TMEM130: variants seen among roughly 807,000 people sequenced by gnomAD.
TMEM130 encodes transmembrane protein 130.
In TMEM130, 37 loss-of-function variants were observed where a neutral mutation model predicts 42.9. The observed-to-expected ratio is 0.86, with a 90% CI of 0.66 to 1.13. The LOEUF is 1.13. Ranked by LOEUF, TMEM130 falls within the 50% of genes most tolerant of loss-of-function variation. TMEM130 has a pLI of 0.00. For synonymous variants in TMEM130, 259 were observed against 237.7 expected, an observed-to-expected ratio of 1.09 and a Z score of -0.82; for missense variants, 545 against 562.6, an observed-to-expected ratio of 0.97 and a Z score of 0.32.
intron 1 of TMEM130, among the ~76,000 whole-genome samples, chr7:98,867,646 G>C (rs941677362): frequency 2.0e-5 from 3 of 152,166 alleles, no homozygotes; most frequent in Admixed American, 6.5e-5. Context: ...GGACTGGGAG[G>C]GGGGATGGGG....
At chr7:98,860,068 CAAAAA>C in intron 3 of TMEM130, 106 bp downstream of exon 3, 3 of 828,364 alleles carry the variant, frequency 3.6e-6, no homozygotes, top group South Asian at 4.5e-5. Flanking sequence ...GACTGCATCT[CAAAAA>C]AAAAAAAAAA....
In TMEM130 at chr7:98,869,477, C is replaced by A; in HGVS notation, c.85+300G>T. On this transcript the variant is annotated intron_variant, in intron 1 of 7. Coordinates refer to ENST00000339375, the MANE Select transcript of TMEM130 (RefSeq NM_152913.3). This position sits in a 1 kb window ranked among gnomAD's most constrained non-coding sequence, Gnocchi z 4.7. ...CCTTAGCGGGTGCATGGTCCCCAGGCATCGACGGATGCGCCGGCCACCCCC... is the reference window on the plus strand; with the variant it reads ...CCTTAGCGGGTGCATGGTCCCCAGGAATCGACGGATGCGCCGGCCACCCCC... The A allele has an allele frequency of 3.6e-6, 3 of 840,080 alleles. No individual in the cohort carries two copies. Among genetic ancestry groups the A allele is most frequent in the South Asian group, 5.4e-5 (1 of 18,374 alleles). The allele number at this position is 840,080 out of a possible 1,614,324, so 52.0% of individuals were successfully genotyped here. A position where few individuals can be genotyped will look rare whatever the true frequency, so the allele number is the denominator to read the frequency against.
In TMEM130 at chr7:98,863,166, A is replaced by C; in HGVS notation, c.320T>G (p.Val107Gly). The C allele has an allele frequency of 1.2e-6, 2 of 1,614,054 alleles. No individual in the cohort carries two copies. The highest frequency in any genetic ancestry group is 2.2e-5 in the South Asian group (2 of 91,072). Residue 107 changes from valine (V) to glycine (G), a missense_variant, in exon 2 of 8, where the codon GTC (valine) becomes GGC (glycine). Val to Gly is a moderately radical substitution (Grantham distance 109). Transcript: ENST00000339375. ...GHVPGEFPVS[V>G]WVTAADCWMC... Reference sequence around the variant, plus strand: ...CCAGCAGTCAGCGGCAGTGACCCAGACAGAGACCGGGAATTCCCCGGGCAC... The same window carrying C: ...CCAGCAGTCAGCGGCAGTGACCCAGCCAGAGACCGGGAATTCCCCGGGCAC...
chr7:98,856,985 A>G (rs372113226), intron 3 of TMEM130, among the ~76,000 whole-genome samples: 10 of 151,294 alleles, frequency 6.6e-5, no homozygotes, highest in African/African-American at 2.2e-4. Flanking sequence ...CTGTGGTGCA[A>G]TCATAGCTCA....
At chr7:98,860,885 G>A (rs1794756662) in intron 2 of TMEM130, among the ~76,000 whole-genome samples, 1 of 147,480 alleles carries the variant, frequency 6.8e-6, no homozygotes, top group Non-Finnish European at 1.5e-5. Flanking sequence ...GGAGGTTGCA[G>A]TGAGCCAAGA....
chr7:98,852,356 C>G (rs1171915839), intron 5 of TMEM130, among the ~76,000 whole-genome samples: 2 of 152,084 alleles, frequency 1.3e-5, no homozygotes, highest in Non-Finnish European at 2.9e-5. Flanking sequence ...TCTCAAACTC[C>G]TGACCTCAGG....
At chr7:98,857,915 C>T (rs1218563370) in intron 3 of TMEM130, among the ~76,000 whole-genome samples, 1 of 151,482 alleles carries the variant, frequency 6.6e-6, no homozygotes, top group Non-Finnish European at 1.5e-5. Flanking sequence ...GTTTGTTTTG[C>T]ATTTTTAGTA....
chr7:98,855,670 G>A (rs931600982), intron 4 of TMEM130, among the ~76,000 whole-genome samples: 10 of 152,208 alleles, frequency 6.6e-5, no homozygotes, highest in Non-Finnish European at 2.9e-5. Context: ...GCCAGGGAGA[G>A]ATAGAGACCC....
chr7:98,869,976 C>G lies in TMEM130; in HGVS notation c.-115G>C. The G allele has an allele frequency of 4.5e-6, 3 of 662,916 alleles. No homozygotes were observed. The highest frequency in any genetic ancestry group is 6.4e-6 in the Non-Finnish European group (3 of 472,240). The allele number at this position is 662,916 out of a possible 1,614,324, so 41.1% of individuals were successfully genotyped here. A position where few individuals can be genotyped will look rare whatever the true frequency, so the allele number is the denominator to read the frequency against. On this transcript the variant is annotated 5_prime_UTR_variant, in exon 1 of 8. Coordinates refer to ENST00000339375, the MANE Select transcript of TMEM130 (RefSeq NM_152913.3). This position sits in a 1 kb window ranked among gnomAD's most constrained non-coding sequence, Gnocchi z 4.7. Reference sequence around the variant, plus strand: ...GCAGCGCGGGCGGTGCGGGGAGGTGCGGGCGCCGTGCTCGCTCGTCCTCGC... The same window carrying G: ...GCAGCGCGGGCGGTGCGGGGAGGTGGGGGCGCCGTGCTCGCTCGTCCTCGC...
In TMEM130 at chr7:98,861,206, C is replaced by T. The variant is rs372117241; in HGVS notation, c.392-868G>A. ...AAACAAAATTAGCCAGGCATGGTAGCGGGCACCTGTAGTCCCAGCTACTTG... is the reference window on the plus strand; with the variant it reads ...AAACAAAATTAGCCAGGCATGGTAGTGGGCACCTGTAGTCCCAGCTACTTG... On this transcript the variant is annotated intron_variant, in intron 2 of 7. Coordinates refer to ENST00000339375, the MANE Select transcript of TMEM130 (RefSeq NM_152913.3). Among the ~76,000 whole-genome samples, 308 of 151,806 alleles carry T rather than the reference C, an allele frequency of 2.0e-3. 1 individual carries two copies. Among genetic ancestry groups the T allele is most frequent in the Middle Eastern group, 6.8e-3 (2 of 292 alleles).
Position 98,856,123 on chromosome 7 carries a change from G to A in TMEM130, c.612C>T (p.Phe204=). 1 of 1,614,066 alleles carries A rather than the reference G, an allele frequency of 6.2e-7. No homozygotes were observed. Among genetic ancestry groups the A allele is most frequent in the Middle Eastern group, 1.6e-4 (1 of 6,062 alleles). The part of the protein sequence containing the change: ...VYYNYSIIGT[F]TVKLKVVAEW... Reference sequence around the variant, plus strand: ...CCGCCACCACTTTGAGCTTCACGGTGAAGGTCCCGATGATGGAATAGTTAT... The same window carrying A: ...CCGCCACCACTTTGAGCTTCACGGTAAAGGTCCCGATGATGGAATAGTTAT... The change falls in exon 4 of 8, where the codon TTC becomes TTT. Residue 204 remains phenylalanine, a synonymous_variant. Coordinates refer to ENST00000339375, the MANE Select transcript of TMEM130 (RefSeq NM_152913.3).
At chr7:98,850,269 A>ATTTTTTTTTTTTTTTT (rs1244635646) in intron 6 of TMEM130, among the ~76,000 whole-genome samples, 9 of 30,156 alleles carry the variant, frequency 3.0e-4, no homozygotes, top group South Asian at 1.0e-3. Context: ...ATATATATAT[A>ATTTTTTTTTTTTTTTT]TATATTTTTT....
In TMEM130 at chr7:98,848,120, A is replaced by G. The variant is rs1489512548; in HGVS notation, c.1208T>C (p.Ile403Thr). ...GAGCAGCCCGTGGTTCTCACGAACA[A>G]TTTCCAGGTACTCAGATGGAGTCTC... ...LLETPSEYLE[I>T]VRENHGLLPP... The change falls in exon 8 of 8, where the codon ATT becomes ACT. Residue 403 changes from isoleucine (I) to threonine (T), a missense_variant. Transcript: ENST00000339375. 2 of 1,614,026 alleles carry G rather than the reference A, an allele frequency of 1.2e-6. No homozygotes were observed. The highest frequency in any genetic ancestry group is 1.7e-6 in the Non-Finnish European group (2 of 1,180,028).
In TMEM130 at chr7:98,856,110, T is replaced by C. The variant is rs1794626979; in HGVS notation, c.625A>G (p.Lys209Glu). The change falls in exon 4 of 8, where the codon AAA becomes GAA. Residue 209 changes from lysine to glutamate, a missense_variant. Lys to Glu is a moderately conservative substitution (Grantham distance 56, BLOSUM62 1). Transcript: ENST00000339375. ...ACCTCTTCCCACTCCGCCACCACTT[T>C]GAGCTTCACGGTGAAGGTCCCGATG... ...SIIGTFTVKL[K>E]VVAEWEEVEP... is the part of the protein sequence containing the mutation. 1 of 1,613,832 alleles carries C rather than the reference T, an allele frequency of 6.2e-7. No homozygotes were observed. Among genetic ancestry groups the C allele is most frequent in the South Asian group, 1.1e-5 (1 of 91,074 alleles).
chr7:98,862,561 C>T (rs901265807), intron 2 of TMEM130, among the ~76,000 whole-genome samples: 4 of 138,404 alleles, frequency 2.9e-5, no homozygotes, highest in South Asian at 2.3e-4. Flanking sequence ...TGCAGTGGCA[C>T]GTTCTCGGCT....
At chr7:98,867,592 G>A (rs566036640) in intron 1 of TMEM130, among the ~76,000 whole-genome samples, 16 of 152,246 alleles carry the variant, frequency 1.1e-4, no homozygotes, top group South Asian at 4.2e-4. Flanking sequence ...ATGTTATCAC[G>A]CAGATCGGTT....
rs111428322 is a variant in TMEM130, at chr7:98,860,972, G to A, written c.392-634C>T. 9.3e-3 allele frequency among the ~76,000 whole-genome samples: 1,283 copies of A among 137,908 alleles called. 20 individuals are homozygous for A. Among genetic ancestry groups the A allele is most frequent in the African/African-American group, 0.031 (1,183 of 38,558 alleles). The allele number at this position is 137,908 out of a possible 152,430, so 90.5% of individuals were successfully genotyped here. ...AAAAAAAAAAAAAAAAAAAGAAGAA[G>A]GAAATGCATAAGCTTTGAAAGGAAC... On this transcript the variant is annotated intron_variant, in intron 2 of 7. Coordinates refer to ENST00000339375, the MANE Select transcript of TMEM130 (RefSeq NM_152913.3).
intron 2 of TMEM130, among the ~76,000 whole-genome samples, chr7:98,862,053 T>G (rs1292739323): frequency 6.6e-6 from 1 of 152,218 alleles, no homozygotes; most frequent in Non-Finnish European, 1.5e-5. Context: ...TTAGCCAATC[T>G]CCTCATGGTT....
At chr7:98,860,730 G>T (rs1253815728) in intron 2 of TMEM130, among the ~76,000 whole-genome samples, 2 of 151,796 alleles carry the variant, frequency 1.3e-5, no homozygotes, top group African/African-American at 4.8e-5. Context: ...GGATCACAAG[G>T]TCAAGAGTTC....
Sources: allele counts gnomAD v4.1 joint callset (sites outside exome capture counted in the v4.1 genomes callset), GRCh38; gene constraint gnomAD v4.1.1; non-coding constraint Gnocchi (gnomAD v3.1); transcripts MANE v1.5; gene names NCBI Gene and HGNC (gene_info 2026-07-23, HGNC 2026-07-21).